Variants in TMEM67 observed in about 807,000 individuals in gnomAD.
TMEM67 encodes the protein meckelin.
In TMEM67, 124 loss-of-function variants were observed where a neutral mutation model predicts 136.6. The observed-to-expected ratio is 0.91, with a 90% CI of 0.78 to 1.05. The LOEUF is 1.05. Ranked by LOEUF, TMEM67 falls within the 50% of genes least tolerant of loss-of-function variation. The pLI, the probability that TMEM67 is intolerant of heterozygous loss-of-function variation, is 0.00. For synonymous variants in TMEM67, 364 were observed against 390.5 expected (o/e 0.93, Z 0.80); for missense variants, 1,107 against 1,178.4 (o/e 0.94, Z 0.89).
In TMEM67 at chr8:93,817,348, A is replaced by G. The variant is rs1192925007; in HGVS notation, c.*896A>G. ...GGAGTTCAAGAACAGCCTGGCCAACATGGAAAACCCCATCTCTACAAAAAA... is the reference window on the plus strand; with the variant it reads ...GGAGTTCAAGAACAGCCTGGCCAACGTGGAAAACCCCATCTCTACAAAAAA... On this transcript the variant is annotated 3_prime_UTR_variant, in exon 28 of 28. Transcript: ENST00000453321. 8 of 152,208 alleles carry G rather than the reference A, an allele frequency of 5.3e-5. No homozygotes were observed. Among genetic ancestry groups the G allele is most frequent in the Admixed American group, 6.5e-5 (1 of 15,282 alleles). The allele number at this position is 152,208 out of a possible 1,614,324, so 9.4% of individuals were successfully genotyped here. A position where few individuals can be genotyped will look rare whatever the true frequency, so the allele number is the denominator to read the frequency against.
intron 22 of TMEM67, among the ~76,000 whole-genome samples, 195 bp downstream of exon 22, chr8:93,803,879 A>ATT (rs377147074): frequency 1.4e-5 from 2 of 139,086 alleles, no homozygotes; most frequent in South Asian, 2.3e-4. Flanking sequence ...TCATTTTTTC[A>ATT]TTTTTTTTTT....
At chr8:93,762,872 C>CT (rs1812911954) in intron 3 of TMEM67, 1 of 362,176 alleles carries the variant, frequency 2.8e-6, no homozygotes, top group Non-Finnish European at 5.5e-6. Flanking sequence ...TTCTAGCATA[C>CT]TTTTTTCAGT....
At chr8:93,779,087 G>T (rs183204836) in intron 7 of TMEM67, among the ~76,000 whole-genome samples, 2 of 151,986 alleles carry the variant, frequency 1.3e-5, no homozygotes, top group African/African-American at 2.4e-5. Context: ...TTGTCGTCTC[G>T]CTTTATTTCA....
Position 93,815,535 on chromosome 8 carries a change from A to G in TMEM67, c.2907+88A>G, listed in dbSNP as rs1808873448. On this transcript the variant is annotated intron_variant, in intron 27 of 27. Coordinates refer to ENST00000453321, the MANE Select transcript of TMEM67 (RefSeq NM_153704.6). ...GATATTTTCATAGCAGAGAGTAACA[A>G]TGTCTACTTTTACTACAATTTTGTA... 1.6e-5 allele frequency: 20 copies of G among 1,228,008 alleles called. No homozygotes were observed. In the East Asian group the frequency reaches 2.8e-4, roughly 17 times the overall value. The allele number at this position is 1,228,008 out of a possible 1,614,324, so 76.1% of individuals were successfully genotyped here.
the TMEM67 span, among the ~76,000 whole-genome samples, chr8:93,824,807 C>T: frequency 9.2e-5 from 14 of 152,164 alleles, no homozygotes; most frequent in African/African-American, 2.9e-4. Flanking sequence ...CCTCTGCCTG[C>T]GGGTTCAAGC....
chr8:93,765,805 A>G (rs528027332), intron 6 of TMEM67, among the ~76,000 whole-genome samples, 159 bp downstream of exon 6: 1 of 152,290 alleles, frequency 6.6e-6, no homozygotes, highest in African/African-American at 2.4e-5. Flanking sequence ...CAGCAGTATA[A>G]TTTCTAAGTA....
chr8:93,774,507 G>A (rs1032706974), intron 7 of TMEM67, among the ~76,000 whole-genome samples: 15 of 151,830 alleles, frequency 9.9e-5, no homozygotes, highest in Admixed American at 2.6e-4. Flanking sequence ...GCTATCCCTC[G>A]CCCAGTCCCC....
intron 22 of TMEM67, among the ~76,000 whole-genome samples, chr8:93,804,015 CA>C (rs1814988743): frequency 6.6e-6 from 1 of 151,668 alleles, no homozygotes; most frequent in Non-Finnish European, 1.5e-5. Context: ...GCTGGGATTA[CA>C]GGTGTGCACC....
At chr8:93,793,135 C>G in intron 15 of TMEM67, 63 bp from the exon 16 acceptor site, 3 of 1,444,870 alleles carry the variant, frequency 2.1e-6, no homozygotes, top group Non-Finnish European at 2.9e-6. Flanking sequence ...TACTTGTTCA[C>G]AGTGTTTTTG....
Position 93,787,849 on chromosome 8 carries a change from A to G in TMEM67, c.1418A>G (p.His473Arg). The G allele has an allele frequency of 6.2e-7, 1 of 1,612,238 alleles. No individual in the cohort carries two copies. Among genetic ancestry groups the G allele is most frequent in the South Asian group, 1.1e-5 (1 of 91,050 alleles). ...RVATQISLSV[H>R]LVPNTINGNI... ...ATGCATTTTCTTTTAAATAGTGTCC[A>G]CCTTGTACCCAACACAATAAATGGA... Residue 473 changes from histidine (H) to arginine (R), a missense_variant, in exon 14 of 28, where the codon CAC becomes CGC. His to Arg is a conservative substitution (Grantham distance 29, BLOSUM62 0). Coordinates refer to ENST00000453321, the MANE Select transcript of TMEM67 (RefSeq NM_153704.6).
intron 18 of TMEM67, among the ~76,000 whole-genome samples, chr8:93,796,503 G>A (rs554184748): frequency 6.6e-6 from 1 of 152,266 alleles, no homozygotes; most frequent in African/African-American, 2.4e-5. Context: ...TGAGTGTTAA[G>A]TGTCTGCTTT....
At chr8:93,772,058 G>A (rs879932298) in intron 6 of TMEM67, among the ~76,000 whole-genome samples, 4 of 152,184 alleles carry the variant, frequency 2.6e-5, no homozygotes, top group Non-Finnish European at 4.4e-5. Context: ...CAAAACCGAT[G>A]TAATTGCCTT....
At chr8:93,814,783 G>A (rs1049866229) in intron 26 of TMEM67, among the ~76,000 whole-genome samples, 4 of 151,632 alleles carry the variant, frequency 2.6e-5, no homozygotes, top group Non-Finnish European at 5.9e-5. Flanking sequence ...CACTGTGCCC[G>A]GCCTCATCAT....
intron 7 of TMEM67, 132 bp from the exon 8 acceptor site, chr8:93,780,461 G>T: frequency 1.1e-6 from 1 of 901,398 alleles, no homozygotes; most frequent in Non-Finnish European, 1.8e-6. Context: ...TGATTATGCT[G>T]GGAGCTGCAG....
chr8:93,797,099 A>T (rs1384621151), intron 18 of TMEM67, 35 bp from the exon 19 acceptor site: 1 of 1,264,576 alleles, frequency 7.9e-7, no homozygotes, highest in African/African-American at 1.5e-5. Context: ...TAACGCTGGT[A>T]CTTTTTCAGG....
At chr8:93,828,032 G>T in the TMEM67 span, among the ~76,000 whole-genome samples, 1 of 152,144 alleles carries the variant, frequency 6.6e-6, no homozygotes, top group Admixed American at 6.5e-5. Flanking sequence ...AGGTAGAGAA[G>T]CTGGGTCTTT....
chr8:93,766,116 C>CT (rs994536859), intron 6 of TMEM67, among the ~76,000 whole-genome samples: 17 of 148,444 alleles, frequency 1.1e-4, no homozygotes, highest in African/African-American at 2.2e-4. Flanking sequence ...CAGATTTTTC[C>CT]TTTTTTTTTT....
intron 13 of TMEM67, 101 bp from the exon 14 acceptor site, chr8:93,787,743 C>T (rs1379141714): frequency 3.2e-6 from 3 of 930,878 alleles, no homozygotes; most frequent in African/African-American, 1.6e-5. Context: ...GTTCTGAGAT[C>T]ATCAGACAAT....
chr8:93,772,482 T>A, intron 6 of TMEM67, 107 bp from the exon 7 acceptor site: 1 of 818,720 alleles, frequency 1.2e-6, no homozygotes, highest in Non-Finnish European at 2.1e-6. Context: ...TATTAGTAAC[T>A]GTTTTTCTAC....
Sources: allele counts gnomAD v4.1 joint callset (sites outside exome capture counted in the v4.1 genomes callset), GRCh38; gene constraint gnomAD v4.1.1; transcripts MANE v1.5; gene names NCBI Gene and HGNC (gene_info 2026-07-23, HGNC 2026-07-21).